The following RHBDD1 variants were observed in gnomAD, a reference collection of about 807,000 sequenced individuals.
RHBDD1 encodes the protein rhomboid-related protein 4.
Under a neutral mutation model 36.3 loss-of-function variants are expected in RHBDD1, and 38 were observed. That is an observed-to-expected ratio of 1.05 (90% confidence interval 0.81 to 1.37). The LOEUF is 1.37. RHBDD1 is among the 40% of genes most tolerant of loss of function. The pLI, the probability that RHBDD1 is intolerant of heterozygous loss-of-function variation, is 0.00. For synonymous variants in RHBDD1, 151 were observed against 136.5 expected, an observed-to-expected ratio of 1.11 and a Z score of -0.74; for missense variants, 393 against 377.6, an observed-to-expected ratio of 1.04 and a Z score of -0.34.
chr2:226,997,340 CTTT>C lies in RHBDD1; in HGVS notation c.*1819_*1821del, dbSNP rs1304708869. 5 of 152,216 alleles carry C rather than the reference CTTT, an allele frequency of 3.3e-5. No homozygotes were observed. The highest frequency in any genetic ancestry group is 5.9e-5 in the Non-Finnish European group (4 of 68,048). 9.4% of individuals were successfully genotyped at this position (152,216 alleles called of 1,614,324 possible). Reference sequence around the variant, plus strand: ...CCGTTACCCCAATTAGAAGTAACTTCTTTGTTTCATGCCACTTTTATAGCATTT... The same window carrying C: ...CCGTTACCCCAATTAGAAGTAACTTCGTTTCATGCCACTTTTATAGCATTT... On this transcript the variant is annotated 3_prime_UTR_variant, in exon 9 of 9. Coordinates refer to ENST00000392062, the MANE Select transcript of RHBDD1 (RefSeq NM_001167608.3).
chr2:226,971,333 CAA>C (rs936798292), intron 8 of RHBDD1, among the ~76,000 whole-genome samples: 3 of 152,174 alleles, frequency 2.0e-5, no homozygotes, highest in Non-Finnish European at 2.9e-5. Flanking sequence ...AAGTAAGTGG[CAA>C]AGTCTGGTGT....
chr2:226,874,960 A>G (rs981191072), intron 5 of RHBDD1, among the ~76,000 whole-genome samples: 2 of 152,196 alleles, frequency 1.3e-5, no homozygotes. Context: ...CAAATCACAT[A>G]GTATCTATTG....
intron 5 of RHBDD1, among the ~76,000 whole-genome samples, chr2:226,882,034 A>G (rs1355692540): frequency 3.3e-5 from 5 of 152,386 alleles, no homozygotes; most frequent in African/African-American, 1.2e-4. Context: ...AAGTAATAGC[A>G]TAGATGATGC....
intron 3 of RHBDD1, among the ~76,000 whole-genome samples, chr2:226,847,482 CT>C (rs766275760): frequency 5.9e-5 from 9 of 152,104 alleles, no homozygotes; most frequent in Non-Finnish European, 1.3e-4. Flanking sequence ...AAAGTATCTG[CT>C]TTAGATGACA....
At chr2:226,943,323 T>A (rs1344388017) in intron 8 of RHBDD1, among the ~76,000 whole-genome samples, 1 of 152,176 alleles carries the variant, frequency 6.6e-6, no homozygotes, top group Non-Finnish European at 1.5e-5. Context: ...ATTATTTGCT[T>A]TGGAAAAATT....
At chr2:226,885,157 A>G (rs1946103280) in intron 5 of RHBDD1, among the ~76,000 whole-genome samples, 1 of 152,134 alleles carries the variant, frequency 6.6e-6, no homozygotes, top group Admixed American at 6.5e-5. Flanking sequence ...TAAATAATGG[A>G]AAATTAAATT....
chr2:226,863,900 C>G (rs927531836), intron 3 of RHBDD1, among the ~76,000 whole-genome samples: 13 of 152,134 alleles, frequency 8.5e-5, no homozygotes, highest in Non-Finnish European at 1.8e-4. Context: ...ATCACCACCT[C>G]AGGCTGTGTT....
the RHBDD1 span, among the ~76,000 whole-genome samples, chr2:226,822,649 A>AAAG: frequency 6.6e-6 from 1 of 150,520 alleles, no homozygotes; most frequent in Non-Finnish European, 1.5e-5. Context: ...AAAAAAAAAA[A>AAAG]AAAGAAAATA....
chr2:226,983,132 T>C (rs908652402), intron 8 of RHBDD1, among the ~76,000 whole-genome samples: 1 of 152,018 alleles, frequency 6.6e-6, no homozygotes, highest in South Asian at 2.1e-4. Context: ...GTGATCAGAG[T>C]TTCTCAAAGT....
chr2:226,815,156 T>C, the RHBDD1 span, among the ~76,000 whole-genome samples: 1 of 152,240 alleles, frequency 6.6e-6, no homozygotes, highest in South Asian at 2.1e-4. Flanking sequence ...TTTCCAAGTA[T>C]AAATGGCCTG....
intron 8 of RHBDD1, among the ~76,000 whole-genome samples, chr2:226,960,792 A>C (rs1033660960): frequency 2.6e-5 from 4 of 152,140 alleles, no homozygotes; most frequent in Non-Finnish European, 4.4e-5. Context: ...CATTCCCTTC[A>C]TGCCCCCTGC....
chr2:226,977,476 G>T (rs1048866898), intron 8 of RHBDD1, among the ~76,000 whole-genome samples: 1 of 152,176 alleles, frequency 6.6e-6, no homozygotes, highest in Non-Finnish European at 1.5e-5. Flanking sequence ...GGTATTTTGT[G>T]TTGGAAAGGC....
chr2:226,885,632 T>C (rs1447606840), intron 5 of RHBDD1, among the ~76,000 whole-genome samples: 1 of 152,152 alleles, frequency 6.6e-6, no homozygotes, highest in African/African-American at 2.4e-5. Flanking sequence ...GAGAAACCCA[T>C]CAAATATTAA....
intron 7 of RHBDD1, among the ~76,000 whole-genome samples, chr2:226,910,582 C>T (rs1346992702): frequency 6.6e-6 from 1 of 151,438 alleles, no homozygotes; most frequent in Admixed American, 6.6e-5. Context: ...CCATGAAATC[C>T]TGGTATGTGT....
the RHBDD1 span, among the ~76,000 whole-genome samples, chr2:226,813,017 G>A: frequency 6.6e-6 from 1 of 152,314 alleles, no homozygotes; most frequent in South Asian, 2.1e-4. Flanking sequence ...AGCTTAAAGA[G>A]TAATGATGCC....
chr2:226,885,852 G>T (rs111474524), intron 5 of RHBDD1, among the ~76,000 whole-genome samples: 35 of 152,140 alleles, frequency 2.3e-4, no homozygotes, highest in Admixed American at 2.0e-4. Context: ...GGATAGTGCA[G>T]AACAATATAT....
intron 8 of RHBDD1, among the ~76,000 whole-genome samples, chr2:226,931,419 T>G (rs1950024551): frequency 2.0e-5 from 3 of 152,046 alleles, no homozygotes; most frequent in Admixed American, 2.0e-4. Flanking sequence ...ATGTTCTCAC[T>G]TATAAGTGGG....
At chr2:226,816,384 A>C in the RHBDD1 span, among the ~76,000 whole-genome samples, 2 of 151,436 alleles carry the variant, frequency 1.3e-5, no homozygotes, top group South Asian at 2.1e-4. Context: ...GCAAAAAAAA[A>C]AAAAAAAAAA....
chr2:226,945,359 T>C (rs942288502), intron 8 of RHBDD1, among the ~76,000 whole-genome samples: 1 of 152,024 alleles, frequency 6.6e-6, no homozygotes, highest in Non-Finnish European at 1.5e-5. Context: ...CCTCCTTATG[T>C]CCATGTGTTC....
Sources: gnomAD v4.1 joint callset for allele counts (sites outside exome capture counted in the v4.1 genomes callset) on GRCh38, gnomAD v4.1.1 for gene constraint, MANE v1.5 for transcripts, NCBI Gene and HGNC (gene_info 2026-07-23, HGNC 2026-07-21) for gene names.